Variants in PCDHA8 observed in about 807,000 individuals in gnomAD.
PCDHA8 encodes the protein protocadherin alpha 8.
PCDHA8 carries 53 observed loss-of-function variants against 61.8 expected under a neutral mutation model. The ratio of observed to expected loss-of-function variants is 0.86; its 90% CI spans 0.69 to 1.08. The LOEUF is 1.08. Among genes scored for constraint, PCDHA8 ranks in the 50% least tolerant of loss-of-function variants. The pLI, the probability that PCDHA8 is intolerant of heterozygous loss-of-function variation, is 0.00. For synonymous variants in PCDHA8, 618 were observed against 556.6 expected (o/e 1.11, Z -1.55); for missense variants, 1,293 against 1,245.0 (o/e 1.04, Z -0.58).
chr5:140,870,898 G>A (rs781950776), intron 1 of PCDHA8: 124 of 1,613,858 alleles, frequency 7.7e-5, no homozygotes, highest in Non-Finnish European at 1.0e-4. Flanking sequence ...AGTGGATGCG[G>A]ACTCAGGCTA....
chr5:140,995,449 A>G (rs1279825778), intron 3 of PCDHA8, among the ~76,000 whole-genome samples: 18 of 152,120 alleles, frequency 1.2e-4, no homozygotes, highest in African/African-American at 3.9e-4. Flanking sequence ...AAACTTATGA[A>G]TTGTTTATTT....
intron 3 of PCDHA8, among the ~76,000 whole-genome samples, chr5:140,993,108 G>A (rs1554253416): frequency 6.6e-6 from 1 of 152,202 alleles, no homozygotes; most frequent in African/African-American, 2.4e-5. Flanking sequence ...TCAGCGGTCA[G>A]TGTCACATCA....
At chr5:140,989,665 T>G (rs2097353443) in intron 3 of PCDHA8, among the ~76,000 whole-genome samples, 2 of 152,190 alleles carry the variant, frequency 1.3e-5, no homozygotes, top group South Asian at 4.1e-4. Flanking sequence ...TAAAAGAAAC[T>G]CTGCCCAGAT....
At chr5:140,935,093 A>G (rs1182064605) in intron 1 of PCDHA8, among the ~76,000 whole-genome samples, 1 of 152,204 alleles carries the variant, frequency 6.6e-6, no homozygotes, top group Admixed American at 6.5e-5. Context: ...TCCCAGAATC[A>G]GCCATTTTTC....
chr5:140,883,627 G>T (rs781902332), intron 1 of PCDHA8: 78 of 1,613,816 alleles, frequency 4.8e-5, no homozygotes, highest in Non-Finnish European at 6.2e-5. Flanking sequence ...ACAACGCGCC[G>T]GCGTTCGCGC....
Position 140,847,536 on chromosome 5 carries a change from G to A in PCDHA8, c.2394+3821G>A, listed in dbSNP as rs1162683759. On this transcript the variant is annotated intron_variant, in intron 1 of 3. Transcript: ENST00000531613. ...AACTTAGTCAGGAAAAGAATCTCAAGCATAGCTTTAAAAACAGAAATTGCC... is the reference window on the plus strand; with the variant it reads ...AACTTAGTCAGGAAAAGAATCTCAAACATAGCTTTAAAAACAGAAATTGCC... 3 of 149,444 alleles carry A rather than the reference G, an allele frequency of 2.0e-5. 1 individual carries two copies. Among genetic ancestry groups the A allele is most frequent in the African/African-American group, 7.3e-5 (3 of 40,850 alleles). The allele number at this position is 149,444 out of a possible 1,614,324, so 9.3% of individuals were successfully genotyped here.
At chr5:140,944,335 G>A (rs1196825895) in intron 1 of PCDHA8, among the ~76,000 whole-genome samples, 1 of 151,986 alleles carries the variant, frequency 6.6e-6, no homozygotes, top group African/African-American at 2.4e-5. Context: ...TTACAAGCAC[G>A]TGCCACCACA....
intron 1 of PCDHA8, among the ~76,000 whole-genome samples, chr5:140,959,030 G>A (rs1303090530): frequency 6.6e-6 from 1 of 151,776 alleles, no homozygotes; most frequent in African/African-American, 2.4e-5. Flanking sequence ...GCTTTATCAT[G>A]GGTATGTATG....
rs2150339542 is a variant in PCDHA8 at position 140,842,572 on chromosome 5, A to T, written c.1251A>T (p.Arg417Ser). 7.8e-6 allele frequency: 12 copies of T among 1,538,104 alleles called. 2 individuals carry two copies. In the South Asian group the frequency reaches 8.0e-5, roughly 10 times the overall value. Residue 417 changes from arginine to serine, a missense_variant, in exon 1 of 4, where the codon AGA becomes AGT. Transcript: ENST00000531613. ...LVLDSALDRE[R>S]VSAYELVVTA... Reference sequence around the variant, plus strand: ...TGGACAGCGCCCTGGACCGCGAGAGAGTGTCGGCCTATGAGTTGGTGGTAA... The same window carrying T: ...TGGACAGCGCCCTGGACCGCGAGAGTGTGTCGGCCTATGAGTTGGTGGTAA...
intron 1 of PCDHA8, among the ~76,000 whole-genome samples, chr5:140,953,627 T>C (rs1298172951): frequency 6.6e-6 from 1 of 152,178 alleles, no homozygotes; most frequent in Non-Finnish European, 1.5e-5. Context: ...ATTTGCTTTA[T>C]GTATTTTGGC....
chr5:140,928,217 C>T, intron 1 of PCDHA8: 2 of 1,614,212 alleles, frequency 1.2e-6, no homozygotes, highest in Non-Finnish European at 1.7e-6. Flanking sequence ...AATGACAATA[C>T]ACCAAACTTT....
intron 1 of PCDHA8, chr5:140,881,297 C>T: frequency 4.3e-6 from 4 of 940,924 alleles, no homozygotes; most frequent in Non-Finnish European, 5.1e-6. Flanking sequence ...AAAATGGAAA[C>T]TTTAACCTCC....
At chr5:140,856,942 G>A (rs781940181) in intron 1 of PCDHA8, 5 of 1,593,170 alleles carry the variant, frequency 3.1e-6, no homozygotes, top group Admixed American at 3.4e-5. Context: ...ACGAAAGGAC[G>A]GGAGAAATAA....
intron 1 of PCDHA8, among the ~76,000 whole-genome samples, chr5:140,903,368 A>G (rs1554190936): frequency 6.6e-6 from 1 of 152,234 alleles, no homozygotes; most frequent in Non-Finnish European, 1.5e-5. Flanking sequence ...TCAAAAATAT[A>G]GGGAGGATTG....
At chr5:140,871,306 AAGCCCAC>A in intron 1 of PCDHA8, 1 of 1,613,964 alleles carries the variant, frequency 6.2e-7, no homozygotes, top group East Asian at 2.2e-5. Flanking sequence ...CGCGCCGGGG[AAGCCCAC>A]GCTGGTGTGC....
intron 1 of PCDHA8, chr5:140,871,232 T>C: frequency 6.2e-7 from 1 of 1,613,948 alleles, no homozygotes; most frequent in South Asian, 1.1e-5. Flanking sequence ...TCCAGCCTCC[T>C]GGTACTCACG....
intron 1 of PCDHA8, among the ~76,000 whole-genome samples, chr5:140,846,605 ACCT>A (rs1246547204): frequency 6.7e-6 from 1 of 148,178 alleles, no homozygotes; most frequent in East Asian, 1.9e-4. Context: ...CGATCTCCTG[ACCT>A]CCTGATCCGC....
chr5:140,883,506 T>A (rs782204819), intron 1 of PCDHA8: 1 of 1,614,078 alleles, frequency 6.2e-7, no homozygotes, highest in Non-Finnish European at 8.5e-7. Context: ...GACAGCGCCC[T>A]GGACCGCGAG....
intron 1 of PCDHA8, chr5:140,852,075 A>G (rs2042230918): frequency 1.1e-6 from 1 of 900,346 alleles, no homozygotes; most frequent in Admixed American, 6.3e-5. Flanking sequence ...TCTTTCAGCT[A>G]TTTTATTTAA....
Sources: allele counts gnomAD v4.1 joint callset (sites outside exome capture counted in the v4.1 genomes callset), GRCh38; gene constraint gnomAD v4.1.1; transcripts MANE v1.5; gene names NCBI Gene and HGNC (gene_info 2026-07-23, HGNC 2026-07-21).